The following SLC11A2 variants were observed in gnomAD, a reference collection of about 807,000 sequenced individuals.
SLC11A2 encodes the protein natural resistance-associated macrophage protein 2.
A neutral mutation model predicts 68.0 loss-of-function variants in SLC11A2; 38 were observed. The ratio of observed to expected loss-of-function variants is 0.56; its 90% CI spans 0.43 to 0.73. SLC11A2 has a LOEUF of 0.73. SLC11A2 is among the 30% of genes least tolerant of loss of function. SLC11A2 has a pLI of 0.00. For missense variants in SLC11A2, 517 were observed against 690.5 expected, an observed-to-expected ratio of 0.75 and a Z score of 2.82; for synonymous variants, 242 against 250.6, an observed-to-expected ratio of 0.97 and a Z score of 0.32.
In SLC11A2 at chr12:51,005,323, C is replaced by T. The variant is rs1942629192; in HGVS notation, c.297G>A (p.Val99=). The change falls in exon 4 of 16, where the codon GTG becomes GTA. Residue 99 remains valine (V), a synonymous_variant. Coordinates refer to ENST00000262052, the MANE Select transcript of SLC11A2 (RefSeq NM_000617.3). ...NIESDLQSGA[V]AGFKLLWILL... is the part of the protein sequence containing the mutation. The stretch of plus-strand genomic sequence containing the variant: ...ACTAGATGTTCACCTTAAATCCAGC[C>T]ACTGCTCCAGACTGCAAATCGGATT... 6.2e-7 allele frequency: 1 copy of T among 1,613,974 alleles called. No individual in the cohort carries two copies. Among genetic ancestry groups the T allele is most frequent in the Non-Finnish European group, 8.5e-7 (1 of 1,179,918 alleles).
downstream of SLC11A2, among the ~76,000 whole-genome samples, chr12:50,975,156 G>C (rs2136111487): frequency 6.6e-6 from 1 of 152,246 alleles, no homozygotes; most frequent in South Asian, 2.1e-4. Context: ...GACATCTACA[G>C]AACTCTCCAC....
chr12:50,996,259 G>A (rs1941690577), intron 9 of SLC11A2, among the ~76,000 whole-genome samples: 1 of 152,162 alleles, frequency 6.6e-6, no homozygotes, highest in African/African-American at 2.4e-5. Flanking sequence ...GAGACTTGAT[G>A]CACTTCCAAC....
At chr12:50,999,573 A>T in intron 6 of SLC11A2, 158 bp from the exon 7 acceptor site, 1 of 677,456 alleles carries the variant, frequency 1.5e-6, no homozygotes, top group Non-Finnish European at 2.6e-6. Flanking sequence ...TGGGTAAAGT[A>T]GGGTAACAGC....
chr12:50,982,289 A>C (rs1410948191), downstream of SLC11A2, among the ~76,000 whole-genome samples: 1 of 152,210 alleles, frequency 6.6e-6, no homozygotes, highest in Admixed American at 6.5e-5. Flanking sequence ...GTGGGTCCCA[A>C]ATGTTTGTCA....
downstream of SLC11A2, among the ~76,000 whole-genome samples, chr12:50,982,334 C>G (rs1322897484): frequency 1.3e-5 from 2 of 152,194 alleles, no homozygotes; most frequent in East Asian, 3.8e-4. Flanking sequence ...GCTTTTAAAA[C>G]ACAATTCCCA....
chr12:50,975,005 C>G (rs1176652166), downstream of SLC11A2, among the ~76,000 whole-genome samples: 4 of 152,240 alleles, frequency 2.6e-5, no homozygotes, highest in African/African-American at 9.6e-5. Flanking sequence ...CCTTAGAGAC[C>G]TACAAAGAGA....
At position 50,987,210 on chromosome 12, in the gene SLC11A2, A is replaced by T; in HGVS notation, c.*1115T>A. 7.8e-7 allele frequency: 1 copy of T among 1,287,082 alleles called. No homozygotes were observed. Among genetic ancestry groups the T allele is most frequent in the Non-Finnish European group, 1.0e-6 (1 of 988,592 alleles). 79.7% of individuals were successfully genotyped at this position (1,287,082 alleles called of 1,614,324 possible). A position where few individuals can be genotyped will look rare whatever the true frequency, so the allele number is the denominator to read the frequency against. On this transcript the variant is annotated 3_prime_UTR_variant, in exon 16 of 16. Transcript: ENST00000262052. Reference sequence around the variant, plus strand: ...AGCTGTAGAGAGGTAGCCCAGTTCAACTTTGCTGAGACAGTGAACTTTGCA... The same window carrying T: ...AGCTGTAGAGAGGTAGCCCAGTTCATCTTTGCTGAGACAGTGAACTTTGCA...
chr12:50,954,392 T>G, the SLC11A2 span: 1 of 258,922 alleles, frequency 3.9e-6, no homozygotes, highest in Admixed American at 5.0e-5. Flanking sequence ...ATATTAACAT[T>G]TCAGTCATAA....
rs573624530 is a variant in SLC11A2, at chr12:50,986,030, T to G, written c.*2295A>C. ...TTTTTTTTTAATTAGAAACCAAGTT[T>G]ACATACGGTTAAATGGTTACTAAAA... On this transcript the variant is annotated 3_prime_UTR_variant, in exon 16 of 16. Coordinates refer to ENST00000262052, the MANE Select transcript of SLC11A2 (RefSeq NM_000617.3). 1 of 1,168,778 alleles carries G rather than the reference T, an allele frequency of 8.6e-7. No individual in the cohort carries two copies. The highest frequency in any genetic ancestry group is 6.5e-5 in the East Asian group (1 of 15,474). The allele number at this position is 1,168,778 out of a possible 1,614,324, so 72.4% of individuals were successfully genotyped here. A position where few individuals can be genotyped will look rare whatever the true frequency, so the allele number is the denominator to read the frequency against.
chr12:51,027,792 A>T (rs1944447948), upstream of SLC11A2, among the ~76,000 whole-genome samples: 1 of 152,160 alleles, frequency 6.6e-6, no homozygotes, highest in South Asian at 2.1e-4. Context: ...TTATTCACGT[A>T]AAAACAGCTA....
the SLC11A2 span, chr12:50,970,645 T>A: frequency 1.6e-6 from 1 of 607,900 alleles, no homozygotes; most frequent in Non-Finnish European, 2.9e-6. Flanking sequence ...AGTCTCAGTG[T>A]TTTAAGAAGT....
chr12:51,022,868 A>C (rs192598337), intron 1 of SLC11A2, among the ~76,000 whole-genome samples: 17 of 152,356 alleles, frequency 1.1e-4, no homozygotes, highest in African/African-American at 3.6e-4. Flanking sequence ...ACTTATCGGC[A>C]ATAAGCACCA....
intron 8 of SLC11A2, among the ~76,000 whole-genome samples, chr12:50,998,175 T>C (rs1004583026): frequency 3.3e-5 from 5 of 151,390 alleles, no homozygotes; most frequent in Admixed American, 6.6e-5. Context: ...CTGGCCAACA[T>C]AGAGAAACCC....
At chr12:50,953,191 G>A in the SLC11A2 span, among the ~76,000 whole-genome samples, 5 of 152,188 alleles carry the variant, frequency 3.3e-5, no homozygotes, top group African/African-American at 1.2e-4. Flanking sequence ...ACAAACACCT[G>A]TTCTGATCTA....
chr12:51,013,830 A>T (rs897187527), intron 1 of SLC11A2, among the ~76,000 whole-genome samples: 1 of 150,006 alleles, frequency 6.7e-6, no homozygotes, highest in Non-Finnish European at 1.5e-5. Flanking sequence ...AAAAGTTTTT[A>T]TTTTTTTTTG....
At position 50,996,961 on chromosome 12, in the gene SLC11A2, C is replaced by T. The variant is rs771118729; in HGVS notation, c.687G>A (p.Val229=). Residue 229 remains valine, a synonymous_variant, in exon 9 of 16, where the codon GTG becomes GTA. Transcript: ENST00000262052. The part of the protein sequence containing the change: ...ALTFGYEYVT[V]KPSQSQVLKG... ...TGAGTACCTGGCTCTGGCTGGGTTT[C>T]ACTGTAACATACTACATACCAACAT... is the stretch of plus-strand genomic sequence containing the variant. 41 of 1,613,890 alleles carry T rather than the reference C, an allele frequency of 2.5e-5. No homozygotes were observed. The highest frequency in any genetic ancestry group is 3.1e-5 in the Non-Finnish European group (36 of 1,179,922).
At chr12:51,028,326 TA>T, upstream of SLC11A2, 1 of 794,570 alleles carries the variant, frequency 1.3e-6, no homozygotes, top group Non-Finnish European at 2.0e-6. Context: ...TTGGGTGCTC[TA>T]AGCAACACAG....
intron 9 of SLC11A2, 57 bp downstream of exon 9, chr12:50,996,760 G>A: frequency 6.4e-7 from 1 of 1,554,866 alleles, no homozygotes; most frequent in Non-Finnish European, 8.9e-7. Context: ...CCTTGCAATT[G>A]AAGGAAAAGA....
chr12:51,016,021 G>C (rs977434577), intron 1 of SLC11A2, among the ~76,000 whole-genome samples: 1 of 151,650 alleles, frequency 6.6e-6, no homozygotes, highest in Non-Finnish European at 1.5e-5. Context: ...CTGACCTTGT[G>C]ATCTGCCCAC....
Sources: allele counts gnomAD v4.1 joint callset (sites outside exome capture counted in the v4.1 genomes callset), GRCh38; gene constraint gnomAD v4.1.1; transcripts MANE v1.5; gene names NCBI Gene and HGNC (gene_info 2026-07-23, HGNC 2026-07-21).